Variants in PTPRN observed in about 807,000 individuals in gnomAD.
PTPRN encodes the protein receptor-type tyrosine-protein phosphatase-like N.
Under a neutral mutation model 108.5 loss-of-function variants are expected in PTPRN, and 70 were observed. The observed-to-expected ratio is 0.65, with a 90% CI of 0.53 to 0.79. PTPRN has a LOEUF of 0.79. PTPRN is among the 30% of genes least tolerant of loss of function. PTPRN has a pLI of 0.00. For missense variants in PTPRN, 1,136 were observed against 1,295.5 expected, an observed-to-expected ratio of 0.88 and a Z score of 1.89; for synonymous variants, 496 against 524.6, an observed-to-expected ratio of 0.95 and a Z score of 0.75.
chr2:219,293,381 T>C (rs1952097035), intron 19 of PTPRN, among the ~76,000 whole-genome samples: 1 of 152,102 alleles, frequency 6.6e-6, no homozygotes, highest in Admixed American at 6.6e-5. Flanking sequence ...GGTTTGACCA[T>C]GTTGGCCAGT....
intron 12 of PTPRN, among the ~76,000 whole-genome samples, chr2:219,298,559 AT>A: frequency 6.6e-6 from 1 of 152,076 alleles, no homozygotes; most frequent in South Asian, 2.1e-4. Context: ...ACAAAAAAAA[AT>A]TTAGCCGGGT....
chr2:219,290,510 T>C lies in PTPRN; in HGVS notation c.2868+28A>G. ...GTGGGTGCTAGGGAAGGGTGGGAGC[T>C]GGGGTTGGGGCAGGAAGGCATGGTC... On this transcript the variant is annotated intron_variant, in intron 22 of 22. Transcript: ENST00000295718. The surrounding 1 kb of genome is among the most constrained non-coding windows in gnomAD (Gnocchi z 4.2). 6.5e-7 allele frequency: 1 copy of C among 1,540,980 alleles called. No homozygotes were observed. The highest frequency in any genetic ancestry group is 8.8e-7 in the Non-Finnish European group (1 of 1,139,092).
intron 19 of PTPRN, among the ~76,000 whole-genome samples, chr2:219,293,165 CATTT>C (rs10571864): frequency 0.97 from 144,498 of 149,384 alleles, 69,980 homozygotes; most frequent in South Asian, 1. Flanking sequence ...GACCAAACTG[CATTT>C]ATTTATTTAT....
chr2:219,306,483 C>T (rs1445191521), intron 3 of PTPRN, among the ~76,000 whole-genome samples: 1 of 152,216 alleles, frequency 6.6e-6, no homozygotes, highest in Non-Finnish European at 1.5e-5. Context: ...TTGACTCCAT[C>T]TATTCTAGTC....
chr2:219,305,369 A>G (rs1464226573), intron 3 of PTPRN, among the ~76,000 whole-genome samples: 1 of 151,644 alleles, frequency 6.6e-6, no homozygotes, highest in African/African-American at 2.4e-5. Context: ...CAGCCTCCTG[A>G]GTAGCTGGGA....
In PTPRN at chr2:219,296,159, C is replaced by T. The variant is rs1458664584; in HGVS notation, c.2508+67G>A. On this transcript the variant is annotated intron_variant, in intron 18 of 22. Transcript: ENST00000295718. The surrounding 1 kb of genome is among the most constrained non-coding windows in gnomAD (Gnocchi z 6.0). ...TTGAGTGCTCATTTGGTGAAGAAAA[C>T]GTTACGAAAAGGCCATCATCTACTC... is the stretch of plus-strand genomic sequence containing the variant. 6 of 1,595,704 alleles carry T rather than the reference C, an allele frequency of 3.8e-6. No homozygotes were observed. The East Asian group carries it at 6.8e-5, about 18-fold the overall frequency.
At position 219,299,116 on chromosome 2, in the gene PTPRN, AG is replaced by A. The variant is rs1952276446; in HGVS notation, c.1604-6del. The A allele has an allele frequency of 3.1e-6, 5 of 1,614,220 alleles. No individual in the cohort carries two copies. The East Asian group carries it at 6.7e-5, about 22-fold the overall frequency. ...CCAGTTCAGACTTCACCAGCCCTGC[AG>A]GGAGGACAAAGGTCAGGCTTGCTCC... On this transcript the variant is annotated splice_region_variant and splice_polypyrimidine_tract_variant and intron_variant, in intron 11 of 22. Transcript: ENST00000295718.
At chr2:219,309,196 C>A (rs778911094) in intron 1 of PTPRN, 22 bp downstream of exon 1, 18 of 1,490,922 alleles carry the variant, frequency 1.2e-5, no homozygotes, top group Non-Finnish European at 1.5e-5. Flanking sequence ...CCACCACCCG[C>A]CAGCCCAAGT....
chr2:219,291,339 T>C, intron 20 of PTPRN, 131 bp downstream of exon 20: 1 of 1,022,124 alleles, frequency 9.8e-7, no homozygotes, highest in East Asian at 2.5e-5. Context: ...GTCTTGGCCA[T>C]TAAAAACAGG....
chr2:219,297,192 C>T lies in PTPRN; in HGVS notation c.2088+41G>A, dbSNP rs750291151. On this transcript the variant is annotated intron_variant, in intron 14 of 22. Transcript: ENST00000295718. This position sits in a 1 kb window ranked among gnomAD's most constrained non-coding sequence, Gnocchi z 6.0. ...CAGCCAGCCTGGCCTCTCTCACCAT[C>T]CCATTCCTTCACCCACTCTGGGCCC... 1 of 1,610,806 alleles carries T rather than the reference C, an allele frequency of 6.2e-7. No homozygotes were observed. Among genetic ancestry groups the T allele is most frequent in the East Asian group, 2.2e-5 (1 of 44,810 alleles).
In PTPRN at chr2:219,309,218, C is replaced by T; in HGVS notation, c.115G>A (p.Gly39Ser). The change falls in exon 1 of 23, where the codon GGC (glycine) becomes AGC (serine). Residue 39 changes from glycine to serine, a missense_variant and splice_region_variant. Transcript: ENST00000295718. ...CCGCCAGCCCAAGTTTCCTCCTGAC[C>T]GTGGGCACTAACGGCGCTGCAGCCC... Reference protein sequence around the residue: ...PGGCSAVSAHGCLFDRRLCSH... With the variant: ...PGGCSAVSAHSCLFDRRLCSH... 3 of 1,533,820 alleles carry T rather than the reference C, an allele frequency of 2.0e-6. No individual in the cohort carries two copies. The highest frequency in any genetic ancestry group is 2.6e-6 in the Non-Finnish European group (3 of 1,141,336).
Position 219,296,564 on chromosome 2 carries a change from A to G in PTPRN, c.2311-48T>C. On this transcript the variant is annotated intron_variant, in intron 16 of 22. Transcript: ENST00000295718. This position sits in a 1 kb window ranked among gnomAD's most constrained non-coding sequence, Gnocchi z 6.0. The stretch of plus-strand genomic sequence containing the variant: ...ATGAGCCAGTGTGGGAAATGCCACT[A>G]TGGACAGGCGTGGTCAGAGCAAGTG... 6.2e-7 allele frequency: 1 copy of G among 1,607,188 alleles called. No individual in the cohort carries two copies. The highest frequency in any genetic ancestry group is 1.1e-5 in the South Asian group (1 of 90,816).
At chr2:219,304,424 A>G (rs896717313) in intron 3 of PTPRN, among the ~76,000 whole-genome samples, 1 of 152,184 alleles carries the variant, frequency 6.6e-6, no homozygotes, top group Non-Finnish European at 1.5e-5. Flanking sequence ...TGTCGTCATC[A>G]TCATCATCAT....
In PTPRN at chr2:219,296,773, G is replaced by A. The variant is rs143333582; in HGVS notation, c.2286C>T (p.Ser762=). ...KLKVESSPSR[S]DYINASPIIE... is the part of the protein sequence containing the mutation. ...CAATGGGGCTGGCGTTGATGTAATC[G>A]CTCCGAGAAGGGCTGCTCTCCACCT... Residue 762 remains serine, a synonymous_variant, in exon 16 of 23, where the codon AGC becomes AGT. Coordinates refer to ENST00000295718, the MANE Select transcript of PTPRN (RefSeq NM_002846.4). The surrounding 1 kb of genome is among the most constrained non-coding windows in gnomAD (Gnocchi z 6.0). 2.6e-5 allele frequency: 42 copies of A among 1,613,898 alleles called. No homozygotes were observed. In the African/African-American group the frequency reaches 4.8e-4, roughly 18 times the overall value.
At chr2:219,308,370 C>G (rs1451198353) in intron 1 of PTPRN, 1 of 172,426 alleles carries the variant, frequency 5.8e-6, no homozygotes, top group Non-Finnish European at 1.2e-5. Flanking sequence ...AAGGGCTGGC[C>G]TTGGAGGCGG....
rs1553577509 is a variant in PTPRN, at chr2:219,290,939, G to C, written c.2730-49C>G. 6.3e-7 allele frequency: 1 copy of C among 1,581,364 alleles called. No homozygotes were observed. Among genetic ancestry groups the C allele is most frequent in the African/African-American group, 1.3e-5 (1 of 74,196 alleles). ...TTTAGCTTGAGATGCAGCAGAAAGG[G>C]GGAGGGACGGAGGAGGCGAGGAGGC... On this transcript the variant is annotated intron_variant, in intron 20 of 22. Coordinates refer to ENST00000295718, the MANE Select transcript of PTPRN (RefSeq NM_002846.4). This position sits in a 1 kb window ranked among gnomAD's most constrained non-coding sequence, Gnocchi z 4.2.
chr2:219,300,847 G>A, intron 8 of PTPRN, 96 bp downstream of exon 8: 1 of 1,382,838 alleles, frequency 7.2e-7, no homozygotes, highest in Non-Finnish European at 1.0e-6. Flanking sequence ...GGGGTGGGAG[G>A]ATACAGATTC....
intron 8 of PTPRN, 151 bp from the exon 9 acceptor site, chr2:219,300,410 G>A: frequency 2.8e-6 from 2 of 702,000 alleles, no homozygotes; most frequent in Non-Finnish European, 4.4e-6. Flanking sequence ...GAGGACACCA[G>A]AGCATCTGAG....
At chr2:219,294,893 G>A in intron 19 of PTPRN, 82 bp downstream of exon 19, 11 of 1,329,538 alleles carry the variant, frequency 8.3e-6, no homozygotes, top group Non-Finnish European at 1.1e-5. Context: ...GGCCCGACCC[G>A]GGGCTCCAGG....
Sources: gnomAD v4.1 joint callset for allele counts (sites outside exome capture counted in the v4.1 genomes callset) on GRCh38, gnomAD v4.1.1 for gene constraint, Gnocchi (gnomAD v3.1) non-coding constraint, MANE v1.5 for transcripts, NCBI Gene and HGNC (gene_info 2026-07-23, HGNC 2026-07-21) for gene names.